Variants in FBXL13 observed in about 807,000 individuals in gnomAD.
The protein encoded by FBXL13 is F-box and leucine-rich repeat protein 13.
A neutral mutation model predicts 83.6 loss-of-function variants in FBXL13; 67 were observed. The ratio of observed to expected loss-of-function variants is 0.80; its 90% confidence interval spans 0.66 to 0.98. FBXL13 has a LOEUF of 0.98. FBXL13 is among the 50% of genes least tolerant of loss of function. FBXL13 has a pLI of 0.00. For synonymous variants in FBXL13, 272 were observed against 299.5 expected (o/e 0.91, Z 0.95); for missense variants, 822 against 866.5 (o/e 0.95, Z 0.64).
At chr7:102,859,276 C>T (rs1806472211) in intron 16 of FBXL13, among the ~76,000 whole-genome samples, 1 of 152,108 alleles carries the variant, frequency 6.6e-6, no homozygotes, top group Non-Finnish European at 1.5e-5. Context: ...AGCAACAAAT[C>T]GAGCCGGCAG....
At chr7:103,030,765 T>A (rs1794427804) in intron 2 of FBXL13, among the ~76,000 whole-genome samples, 1 of 152,198 alleles carries the variant, frequency 6.6e-6, no homozygotes, top group South Asian at 2.1e-4. Context: ...TTTCTGATGA[T>A]CAACTCTTTA....
rs563442761 is a variant in FBXL13 at position 103,028,811 on chromosome 7, T to C, written c.69-63A>G. The stretch of plus-strand genomic sequence containing the variant: ...GATATTAGGGCAATATATCATTAAA[T>C]AAATTAAGGAGAACAAAGAATGATA... On this transcript the variant is annotated intron_variant, in intron 3 of 19. Transcript: ENST00000313221. The C allele has an allele frequency of 1.7e-4, 221 of 1,330,834 alleles. 2 individuals carry two copies. The African/African-American group carries it at 2.9e-3, about 18-fold the overall frequency. The allele number at this position is 1,330,834 out of a possible 1,614,324, so 82.4% of individuals were successfully genotyped here. A position where few individuals can be genotyped will look rare whatever the true frequency, so the allele number is the denominator to read the frequency against.
intron 16 of FBXL13, among the ~76,000 whole-genome samples, chr7:102,874,790 T>G (rs6465880): frequency 6.6e-6 from 1 of 151,860 alleles, no homozygotes; most frequent in Non-Finnish European, 1.5e-5. Context: ...TGGTCTCAAA[T>G]TCTTGGGCTC....
At chr7:102,869,159 G>C (rs1358682634) in intron 16 of FBXL13, among the ~76,000 whole-genome samples, 2 of 152,142 alleles carry the variant, frequency 1.3e-5, no homozygotes, top group African/African-American at 4.8e-5. Flanking sequence ...TTTGCTTTTT[G>C]ATAATAGCCA....
chr7:102,937,382 C>T (rs1820531224), intron 8 of FBXL13, among the ~76,000 whole-genome samples: 2 of 151,688 alleles, frequency 1.3e-5, no homozygotes, highest in African/African-American at 4.8e-5. Flanking sequence ...TGGCAGGCAC[C>T]TGTAATCCCA....
intron 16 of FBXL13, among the ~76,000 whole-genome samples, chr7:102,873,714 C>G (rs1337276133): frequency 6.6e-6 from 1 of 152,198 alleles, no homozygotes; most frequent in Non-Finnish European, 1.5e-5. Context: ...AGTGACCTGA[C>G]CCCTGTCTAC....
chr7:103,067,906 G>A (rs529412707), intron 1 of FBXL13, among the ~76,000 whole-genome samples: 2 of 152,360 alleles, frequency 1.3e-5, no homozygotes, highest in South Asian at 4.1e-4. Flanking sequence ...AAGGACATAA[G>A]AGTAATATTT....
chr7:103,068,224 T>C (rs1711693681), intron 1 of FBXL13, among the ~76,000 whole-genome samples: 1 of 152,222 alleles, frequency 6.6e-6, no homozygotes. Context: ...GTGAGCCAGA[T>C]GCTAATGCTA....
At chr7:102,851,811 C>G (rs1419763981) in intron 17 of FBXL13, among the ~76,000 whole-genome samples, 3 of 152,030 alleles carry the variant, frequency 2.0e-5, no homozygotes, top group African/African-American at 4.8e-5. Context: ...GTGGCTTGCT[C>G]ACAATATGTA....
At chr7:102,921,452 G>A (rs555829131) in intron 10 of FBXL13, among the ~76,000 whole-genome samples, 4 of 152,134 alleles carry the variant, frequency 2.6e-5, no homozygotes, top group Non-Finnish European at 2.9e-5. Flanking sequence ...GGCCGAAGTG[G>A]GTGGATCACC....
intron 8 of FBXL13, among the ~76,000 whole-genome samples, chr7:102,937,428 A>G (rs1339702437): frequency 6.9e-6 from 1 of 144,784 alleles, no homozygotes; most frequent in Non-Finnish European, 1.5e-5. Context: ...AATCGCTTGA[A>G]CTCTGGAGGC....
chr7:102,967,747 C>G (rs1826144914), intron 7 of FBXL13, among the ~76,000 whole-genome samples: 1 of 152,192 alleles, frequency 6.6e-6, no homozygotes. Flanking sequence ...TACAAACTAT[C>G]CAATAAAATG....
At chr7:103,023,952 G>A (rs1195866217) in intron 6 of FBXL13, among the ~76,000 whole-genome samples, 1 of 152,040 alleles carries the variant, frequency 6.6e-6, no homozygotes, top group Admixed American at 6.6e-5. Flanking sequence ...AAGAAAGGAA[G>A]AACAGACACC....
At chr7:103,064,627 G>A (rs978166264) in intron 1 of FBXL13, among the ~76,000 whole-genome samples, 1 of 152,118 alleles carries the variant, frequency 6.6e-6, no homozygotes, top group African/African-American at 2.4e-5. Flanking sequence ...TTCCACAATG[G>A]CCATAACAGT....
At chr7:103,052,903 C>T (rs539815735) in intron 2 of FBXL13, among the ~76,000 whole-genome samples, 2 of 151,914 alleles carry the variant, frequency 1.3e-5, no homozygotes, top group East Asian at 2.0e-4. Flanking sequence ...ATTACAGGCA[C>T]CCGCCACCAC....
At chr7:102,953,806 T>C (rs762469096) in intron 8 of FBXL13, among the ~76,000 whole-genome samples, 1 of 152,206 alleles carries the variant, frequency 6.6e-6, no homozygotes, top group South Asian at 2.1e-4. Context: ...ACTGAAACCC[T>C]GAATGTTGCA....
intron 16 of FBXL13, among the ~76,000 whole-genome samples, chr7:102,863,944 GC>G (rs1807251409): frequency 6.6e-6 from 1 of 151,672 alleles, no homozygotes; most frequent in African/African-American, 2.4e-5. Context: ...TCTCAAATCT[GC>G]CCCCTCTGCC....
chr7:102,900,299 C>T (rs753581016), intron 11 of FBXL13, among the ~76,000 whole-genome samples: 2 of 152,166 alleles, frequency 1.3e-5, no homozygotes, highest in Non-Finnish European at 2.9e-5. Context: ...GACAGGGAGG[C>T]TGTTTTATTC....
chr7:102,887,414 T>TACACACACACAC (rs67686614), intron 11 of FBXL13, among the ~76,000 whole-genome samples: 5 of 148,706 alleles, frequency 3.4e-5, no homozygotes, highest in African/African-American at 1.2e-4. Context: ...TATACATACA[T>TACACACACACAC]ACACACACAC....
Sources: allele counts gnomAD v4.1 joint callset (sites outside exome capture counted in the v4.1 genomes callset), GRCh38; gene constraint gnomAD v4.1.1; transcripts MANE v1.5; gene names NCBI Gene and HGNC (gene_info 2026-07-23, HGNC 2026-07-21).